IFT122: variants seen among roughly 807,000 people sequenced by gnomAD.
IFT122 encodes the protein intraflagellar transport protein 122 homolog.
A neutral mutation model predicts 161.6 loss-of-function variants in IFT122; 118 were observed. The ratio of observed to expected loss-of-function variants is 0.73; its 90% confidence interval spans 0.63 to 0.85. IFT122 has a LOEUF of 0.85. IFT122 is among the 40% of genes least tolerant of loss of function. IFT122 has a pLI of 0.00. For synonymous variants in IFT122, 550 were observed against 602.4 expected (o/e 0.91, Z 1.27); for missense variants, 1,381 against 1,579.6 (o/e 0.87, Z 2.13).
At chr3:129,488,480 G>C (rs1174426088) in intron 16 of IFT122, 83 bp downstream of exon 16, 152 of 1,579,142 alleles carry the variant, frequency 9.6e-5, no homozygotes, top group Non-Finnish European at 1.3e-4. Context: ...GTGGCACGGA[G>C]AGGCCATAGA....
At chr3:129,460,766 G>A in intron 4 of IFT122, 1 of 1,010,032 alleles carries the variant, frequency 9.9e-7, no homozygotes, top group South Asian at 1.3e-5. Context: ...TTACCCACAA[G>A]TGAAGGACTA....
At chr3:129,510,222 A>C (rs935625597) in intron 23 of IFT122, among the ~76,000 whole-genome samples, 2 of 152,122 alleles carry the variant, frequency 1.3e-5, no homozygotes, top group Non-Finnish European at 2.9e-5. Flanking sequence ...CACCACGCCC[A>C]GCCTTCCCGC....
intron 7 of IFT122, among the ~76,000 whole-genome samples, chr3:129,465,372 G>T (rs2076628919): frequency 6.6e-6 from 1 of 151,284 alleles, no homozygotes; most frequent in Non-Finnish European, 1.5e-5. Flanking sequence ...AAAGCCTAGA[G>T]ATACACAAAC....
At chr3:129,519,005 C>G in intron 27 of IFT122, 102 bp from the exon 28 acceptor site, 2 of 992,766 alleles carry the variant, frequency 2.0e-6, no homozygotes, top group East Asian at 4.8e-5. Flanking sequence ...AACTCTTCCA[C>G]TGGTCTGGCT....
chr3:129,503,022 A>G, intron 20 of IFT122, 140 bp downstream of exon 20: 1 of 732,972 alleles, frequency 1.4e-6, no homozygotes, highest in Non-Finnish European at 2.2e-6. Context: ...GCAGTCAGGT[A>G]ACTTAACCTC....
chr3:129,510,083 G>A (rs754375621), intron 23 of IFT122, among the ~76,000 whole-genome samples: 3 of 152,110 alleles, frequency 2.0e-5, no homozygotes, highest in Non-Finnish European at 4.4e-5. Flanking sequence ...TCTTTTTTCA[G>A]AGATGAGGTC....
intron 5 of IFT122, 93 bp from the exon 6 acceptor site, chr3:129,463,467 C>G (rs2076391293): frequency 2.0e-6 from 2 of 978,964 alleles, no homozygotes; most frequent in Non-Finnish European, 3.3e-6. Flanking sequence ...GGAGATCCAT[C>G]TAAGTTGTTG....
Position 129,506,392 on chromosome 3 carries a change from C to G in IFT122, c.2651-17C>G, listed in dbSNP as rs1201225521. On this transcript the variant is annotated splice_polypyrimidine_tract_variant and intron_variant, in intron 21 of 29. Coordinates refer to ENST00000348417, the MANE Select transcript of IFT122 (RefSeq NM_052989.3). ...TAAATAGCATGTGCTTTTTTCCTCC[C>G]TCCACCACTCCTACAGCGTTCCACA... 6.2e-7 allele frequency: 1 copy of G among 1,612,902 alleles called. No homozygotes were observed.
chr3:129,441,415 C>CTTCA (rs2107791065), intron 1 of IFT122, among the ~76,000 whole-genome samples: 1 of 152,200 alleles, frequency 6.6e-6, no homozygotes, highest in Admixed American at 6.5e-5. Flanking sequence ...TGGCTAAGCA[C>CTTCA]TTCATATCCT....
intron 19 of IFT122, among the ~76,000 whole-genome samples, chr3:129,500,292 C>T (rs2081370568): frequency 6.6e-6 from 1 of 152,196 alleles, no homozygotes; most frequent in Non-Finnish European, 1.5e-5. Flanking sequence ...AGAGGAGACA[C>T]CGGGACATCA....
At chr3:129,503,922 T>C (rs2081911486) in intron 20 of IFT122, 1 of 334,246 alleles carries the variant, frequency 3.0e-6, no homozygotes, top group African/African-American at 2.2e-5. Flanking sequence ...CCCACAGTCA[T>C]CTTTGACAAC....
intron 1 of IFT122, among the ~76,000 whole-genome samples, chr3:129,448,320 G>A (rs2074295963): frequency 1.3e-5 from 2 of 152,194 alleles, no homozygotes; most frequent in African/African-American, 4.8e-5. Context: ...AAAATGAGTT[G>A]CCACCTCTGT....
chr3:129,441,839 TTTA>T (rs748463285), intron 1 of IFT122, among the ~76,000 whole-genome samples: 5 of 152,212 alleles, frequency 3.3e-5, no homozygotes, highest in Admixed American at 6.5e-5. Context: ...TACTTTTAAC[TTTA>T]TTATAAACGT....
intron 9 of IFT122, among the ~76,000 whole-genome samples, chr3:129,473,625 A>G (rs1026147864): frequency 2.0e-5 from 3 of 152,210 alleles, no homozygotes; most frequent in African/African-American, 7.2e-5. Context: ...ATCTTGTCAC[A>G]GTTTATAGTT....
At chr3:129,450,626 T>C (rs1166439398) in intron 2 of IFT122, among the ~76,000 whole-genome samples, 1 of 150,912 alleles carries the variant, frequency 6.6e-6, no homozygotes, top group Non-Finnish European at 1.5e-5. Flanking sequence ...CAAACTCTAT[T>C]AGTTTTTCTA....
In IFT122 at chr3:129,452,297, A is replaced by G. The variant is rs2074944216; in HGVS notation, c.193+299A>G. 15 of 395,910 alleles carry G rather than the reference A, an allele frequency of 3.8e-5. 1 individual carries two copies. Among genetic ancestry groups the G allele is most frequent in the South Asian group, 3.3e-4 (15 of 45,884 alleles). 24.5% of individuals were successfully genotyped at this position (395,910 alleles called of 1,614,324 possible). On this transcript the variant is annotated intron_variant, in intron 3 of 29. Coordinates refer to ENST00000348417, the MANE Select transcript of IFT122 (RefSeq NM_052989.3). ...GTGAGAAGTGAGGGAGGAAGAAAGT[A>G]TGAGGGAAGACATACAGTAAACATA...
intron 8 of IFT122, among the ~76,000 whole-genome samples, chr3:129,467,591 C>G (rs2076938867): frequency 6.6e-6 from 1 of 152,134 alleles, no homozygotes; most frequent in Non-Finnish European, 1.5e-5. Flanking sequence ...CTTGCATTTT[C>G]TAGGATGTAT....
intron 1 of IFT122, among the ~76,000 whole-genome samples, chr3:129,442,920 C>A (rs1488667114): frequency 6.6e-6 from 1 of 152,166 alleles, no homozygotes; most frequent in Non-Finnish European, 1.5e-5. Context: ...CAAATGCTCC[C>A]TTATTCTATG....
Position 129,461,915 on chromosome 3 carries a change from G to A in IFT122, c.349+611G>A, listed in dbSNP as rs148165380. Among the ~76,000 whole-genome samples, 9 of 152,320 alleles carry A rather than the reference G, an allele frequency of 5.9e-5. No individual in the cohort carries two copies. In the East Asian group the frequency reaches 1.5e-3, roughly 26 times the overall value. On this transcript the variant is annotated intron_variant, in intron 5 of 29. Transcript: ENST00000348417. ...GGGAGGAAGGGAGTGAAATTGGGCA[G>A]AGGCTTGTAGGTTATTTCCATTAAT... is the stretch of plus-strand genomic sequence containing the variant.
Sources: gnomAD v4.1 joint callset for allele counts (sites outside exome capture counted in the v4.1 genomes callset) on GRCh38, gnomAD v4.1.1 for gene constraint, MANE v1.5 for transcripts, NCBI Gene and HGNC (gene_info 2026-07-23, HGNC 2026-07-21) for gene names.